The following TSHZ2 variants were observed in gnomAD, a reference collection of about 807,000 sequenced individuals.
TSHZ2 encodes teashirt homolog 2.
Under a neutral mutation model 74.4 loss-of-function variants are expected in TSHZ2, and 21 were observed. The ratio of observed to expected loss-of-function variants is 0.28; its 90% CI spans 0.20 to 0.41. TSHZ2 has a LOEUF of 0.41. Among genes scored for constraint, TSHZ2 ranks in the 10% least tolerant of loss-of-function variants. The probability of loss-of-function intolerance (pLI) is 1.00; values close to 1 mark genes in which losing one functional copy is unlikely to be tolerated. For missense variants in TSHZ2, 1,244 were observed against 1,293.5 expected (o/e 0.96, Z 0.59); for synonymous variants, 540 against 515.3 (o/e 1.05, Z -0.65).
At chr20:53,392,080 G>C (rs185981055) in intron 2 of TSHZ2, among the ~76,000 whole-genome samples, 2 of 152,178 alleles carry the variant, frequency 1.3e-5, no homozygotes, top group Non-Finnish European at 2.9e-5. Flanking sequence ...AGACATGGAG[G>C]TAATTTTATT....
At chr20:53,362,262 G>A (rs973398701) in intron 2 of TSHZ2, among the ~76,000 whole-genome samples, 1 of 150,378 alleles carries the variant, frequency 6.6e-6, no homozygotes, top group Non-Finnish European at 1.5e-5. Flanking sequence ...TCGGCTCACT[G>A]CAAGCTCCGC....
chr20:53,058,745 C>T (rs991387655), intron 1 of TSHZ2, among the ~76,000 whole-genome samples: 1 of 152,176 alleles, frequency 6.6e-6, no homozygotes, highest in Non-Finnish European at 1.5e-5. Flanking sequence ...GACCAGGTGG[C>T]AAATGTCTGT....
intron 1 of TSHZ2, among the ~76,000 whole-genome samples, chr20:53,102,648 T>A (rs567619863): frequency 2.0e-4 from 30 of 152,204 alleles, no homozygotes; most frequent in Non-Finnish European, 3.4e-4. Context: ...GGTTCTACAA[T>A]AGTGATTCTA....
chr20:53,110,533 T>A (rs1480578290), intron 1 of TSHZ2, among the ~76,000 whole-genome samples: 12 of 152,104 alleles, frequency 7.9e-5, no homozygotes, highest in Admixed American at 5.9e-4. Context: ...TGGGCACCAC[T>A]ACTCTATAAG....
Position 53,417,241 on chromosome 20 carries a change from GACACACACACAC to G in TSHZ2, c.*9-69876_*9-69865del, listed in dbSNP as rs56822266. On this transcript the variant is annotated intron_variant, in intron 2 of 2. Transcript: ENST00000371497. ...CTATATACAGACACAGACACACACA[GACACACACACAC>G]ACACACACACACACACACACACACA... Among the ~76,000 whole-genome samples, 296 of 138,122 alleles carry G rather than the reference GACACACACACAC, an allele frequency of 2.1e-3. 2 individuals are homozygous for G. Among genetic ancestry groups the G allele is most frequent in the African/African-American group, 7.4e-3 (278 of 37,656 alleles). The allele number at this position is 138,122 out of a possible 152,430, so 90.6% of individuals were successfully genotyped here.
chr20:53,001,238 G>GTGTGTGTGTGTGTGTA (rs1568713603), intron 1 of TSHZ2, among the ~76,000 whole-genome samples: 5 of 146,260 alleles, frequency 3.4e-5, no homozygotes, highest in Non-Finnish European at 4.5e-5. Context: ...GTGTGTGTGT[G>GTGTGTGTGTGTGTGTA]TGTGTGTGTG....
At chr20:53,353,688 A>C (rs1980740771) in intron 2 of TSHZ2, among the ~76,000 whole-genome samples, 1 of 152,236 alleles carries the variant, frequency 6.6e-6, no homozygotes, top group Admixed American at 6.5e-5. Flanking sequence ...TTAAATTCCT[A>C]TAAGTAAAAT....
At position 53,493,331 on chromosome 20, in the gene TSHZ2, G is replaced by A. The variant is rs1026377409; in HGVS notation, c.*6196G>A. The A allele has an allele frequency of 7.9e-5, 12 of 152,178 alleles. No homozygotes were observed. The highest frequency in any genetic ancestry group is 7.2e-4 in the Admixed American group (11 of 15,264). The allele number at this position is 152,178 out of a possible 1,614,324, so 9.4% of individuals were successfully genotyped here. On this transcript the variant is annotated 3_prime_UTR_variant, in exon 3 of 3. Transcript: ENST00000371497. Reference sequence around the variant, plus strand: ...AAGTTTGTCTGTCTGCATGAGTCCCGTCCAATTGCTGGATCTAGGGAGGAA... The same window carrying A: ...AAGTTTGTCTGTCTGCATGAGTCCCATCCAATTGCTGGATCTAGGGAGGAA...
At chr20:53,001,214 G>GTGTGTGTGTGTGTGTA (rs1555813556) in intron 1 of TSHZ2, among the ~76,000 whole-genome samples, 1 of 125,968 alleles carries the variant, frequency 7.9e-6, no homozygotes, top group African/African-American at 3.4e-5. Context: ...GCGTGTGTGT[G>GTGTGTGTGTGTGTGTA]TGTGTGTGTG....
At chr20:53,213,000 AG>A (rs1380716494) in intron 1 of TSHZ2, among the ~76,000 whole-genome samples, 2 of 152,190 alleles carry the variant, frequency 1.3e-5, no homozygotes, top group African/African-American at 4.8e-5. Flanking sequence ...CCACTTCATA[AG>A]ACAATTGAAA....
At chr20:53,354,953 A>AT (rs1653113991) in intron 2 of TSHZ2, among the ~76,000 whole-genome samples, 1 of 151,920 alleles carries the variant, frequency 6.6e-6, no homozygotes, top group South Asian at 2.1e-4. Context: ...GTGTTTTTCC[A>AT]TTTTTTTCTT....
chr20:53,372,297 G>A (rs925723167), intron 2 of TSHZ2, among the ~76,000 whole-genome samples: 18 of 152,050 alleles, frequency 1.2e-4, no homozygotes, highest in African/African-American at 3.9e-4. Context: ...CCAACATGGT[G>A]AAACCCCATC....
At position 53,074,326 on chromosome 20, in the gene TSHZ2, T is replaced by C. The variant is rs1021149729; in HGVS notation, c.40+100993T>C. On this transcript the variant is annotated intron_variant, in intron 1 of 2. Coordinates refer to ENST00000371497, the MANE Select transcript of TSHZ2 (RefSeq NM_173485.6). The surrounding 1 kb of genome is among the most constrained non-coding windows in gnomAD (Gnocchi z 5.9). ...GAAATTATGTCCTAAGTATCAGTCC[T>C]TTCTACTGGATTTTGAGTTTCCAGA... 3.3e-5 allele frequency among the ~76,000 whole-genome samples: 5 copies of C among 152,348 alleles called. No homozygotes were observed. The highest frequency in any genetic ancestry group is 1.2e-4 in the African/African-American group (5 of 41,584).
At chr20:52,997,297 C>T (rs986806615) in intron 1 of TSHZ2, among the ~76,000 whole-genome samples, 3 of 143,486 alleles carry the variant, frequency 2.1e-5, no homozygotes, top group Non-Finnish European at 3.1e-5. Flanking sequence ...TCTGGTTTCT[C>T]GATGCTCATC....
chr20:53,320,700 C>T (rs1236714124), intron 2 of TSHZ2, among the ~76,000 whole-genome samples: 2 of 152,082 alleles, frequency 1.3e-5, no homozygotes, highest in Non-Finnish European at 2.9e-5. Context: ...CCCTTTGACT[C>T]AACAGAAAAA....
chr20:53,043,313 G>T (rs1253554061), intron 1 of TSHZ2, among the ~76,000 whole-genome samples: 1 of 151,982 alleles, frequency 6.6e-6, no homozygotes, highest in Admixed American at 6.6e-5. Context: ...GCCTCTCAGG[G>T]GACATTACCA....
At chr20:53,132,898 T>G (rs531224488) in intron 1 of TSHZ2, among the ~76,000 whole-genome samples, 2 of 152,182 alleles carry the variant, frequency 1.3e-5, no homozygotes, top group Admixed American at 1.3e-4. Context: ...TTTGTCTTCT[T>G]GCTTCCTTCA....
chr20:53,292,035 G>A (rs1248560098), intron 2 of TSHZ2, among the ~76,000 whole-genome samples: 1 of 151,972 alleles, frequency 6.6e-6, no homozygotes, highest in Non-Finnish European at 1.5e-5. Context: ...TCGTTAAGGG[G>A]AATTCCAAAA....
chr20:53,453,152 GATGAATGA>G (rs956055130), intron 2 of TSHZ2: 2 of 152,152 alleles, frequency 1.3e-5, no homozygotes, highest in Admixed American at 6.5e-5. Flanking sequence ...TGAATGAACT[GATGAATGA>G]ATGAATGAAT....
Sources: allele counts gnomAD v4.1 joint callset (sites outside exome capture counted in the v4.1 genomes callset), GRCh38; gene constraint gnomAD v4.1.1; non-coding constraint Gnocchi (gnomAD v3.1); transcripts MANE v1.5; gene names NCBI Gene and HGNC (gene_info 2026-07-23, HGNC 2026-07-21).